Variants in PMEPA1 observed in about 807,000 individuals in gnomAD.
PMEPA1 encodes protein TMEPAI.
A neutral mutation model predicts 23.0 loss-of-function variants in PMEPA1; 11 were observed. The observed-to-expected ratio is 0.48, with a 90% CI of 0.30 to 0.79. PMEPA1 has a LOEUF of 0.79. Among genes scored for constraint, PMEPA1 ranks in the 30% least tolerant of loss-of-function variants. The probability of loss-of-function intolerance (pLI) is 0.06; values close to 1 mark genes in which losing one functional copy is unlikely to be tolerated. For missense variants in PMEPA1, 377 were observed against 390.9 expected, an observed-to-expected ratio of 0.96 and a Z score of 0.30; for synonymous variants, 204 against 166.4, an observed-to-expected ratio of 1.23 and a Z score of -1.74.
intron 2 of PMEPA1, among the ~76,000 whole-genome samples, chr20:57,657,683 G>A (rs1290755208): frequency 6.6e-6 from 1 of 152,218 alleles, no homozygotes; most frequent in Non-Finnish European, 1.5e-5. Flanking sequence ...GTGACGCACT[G>A]AGGCTGGGGC....
rs950663702 is a variant in PMEPA1 at position 57,704,537 on chromosome 20, G to A, written c.109+4937C>T. On this transcript the variant is annotated intron_variant, in intron 1 of 3. Transcript: ENST00000341744. The surrounding 1 kb of genome is among the most constrained non-coding windows in gnomAD (Gnocchi z 4.6). ...AGAACCCGAGGCTGGCAGCAGCACA[G>A]CCTCCGAAATTCACCGTGTAAGAGT... Among the ~76,000 whole-genome samples the A allele has an allele frequency of 6.6e-6, 1 of 152,228 alleles. No individual in the cohort carries two copies. The highest frequency in any genetic ancestry group is 2.1e-4 in the South Asian group (1 of 4,836).
At chr20:57,695,850 C>T (rs1325963500) in intron 1 of PMEPA1, among the ~76,000 whole-genome samples, 1 of 152,174 alleles carries the variant, frequency 6.6e-6, no homozygotes, top group Non-Finnish European at 1.5e-5. Flanking sequence ...ACCCAGATGG[C>T]CCGGCCCCAT....
At chr20:57,700,033 C>T (rs1359529744) in intron 1 of PMEPA1, 2 of 471,162 alleles carry the variant, frequency 4.2e-6, no homozygotes. Context: ...TATTCTTAAC[C>T]ACTGACACTC....
At chr20:57,665,373 G>A (rs557528794) in intron 1 of PMEPA1, among the ~76,000 whole-genome samples, 20 of 152,246 alleles carry the variant, frequency 1.3e-4, no homozygotes, top group Non-Finnish European at 2.6e-4. Flanking sequence ...GCTCGCCCAC[G>A]GCGTTAGTCC....
At chr20:57,680,557 A>G (rs2071699136) in intron 1 of PMEPA1, among the ~76,000 whole-genome samples, 1 of 152,234 alleles carries the variant, frequency 6.6e-6, no homozygotes. Context: ...GATGATAGTG[A>G]ATATCTCAGG....
intron 1 of PMEPA1, among the ~76,000 whole-genome samples, chr20:57,675,271 A>G (rs2071620839): frequency 6.6e-6 from 1 of 152,102 alleles, no homozygotes; most frequent in Admixed American, 6.6e-5. Context: ...ACTAGTCACA[A>G]GAGTGGACAA....
chr20:57,707,230 T>G (rs1374204544), intron 1 of PMEPA1, among the ~76,000 whole-genome samples: 1 of 152,194 alleles, frequency 6.6e-6, no homozygotes, highest in Non-Finnish European at 1.5e-5. Flanking sequence ...TTTTTTCCTT[T>G]CTTTTTTCCT....
intron 1 of PMEPA1, among the ~76,000 whole-genome samples, chr20:57,685,246 G>C (rs139396749): frequency 6.6e-6 from 1 of 152,284 alleles, no homozygotes; most frequent in East Asian, 1.9e-4. Context: ...CCAGCTAACT[G>C]CCCGAGCAGG....
chr20:57,663,348 A>G (rs2071448853), intron 1 of PMEPA1, among the ~76,000 whole-genome samples: 1 of 152,074 alleles, frequency 6.6e-6, no homozygotes, highest in Admixed American at 6.5e-5. Flanking sequence ...GCTCTCTCAG[A>G]GGGCCCGGGT....
upstream of PMEPA1, chr20:57,710,162 C>T: frequency 1.7e-6 from 1 of 594,902 alleles, no homozygotes; most frequent in Non-Finnish European, 2.4e-6. Flanking sequence ...TCTTAAAGGG[C>T]CAGAGCTAGG....
rs368750158 is a variant in PMEPA1 at position 57,652,566 on chromosome 20, G to A, written c.351C>T (p.Asp117=). 8 of 1,519,108 alleles carry A rather than the reference G, an allele frequency of 5.3e-6. No individual in the cohort carries two copies. Among genetic ancestry groups the A allele is most frequent in the African/African-American group, 2.8e-5 (2 of 72,584 alleles). 94.1% of individuals were successfully genotyped at this position (1,519,108 alleles called of 1,614,324 possible). A position where few individuals can be genotyped will look rare whatever the true frequency, so the allele number is the denominator to read the frequency against. Residue 117 remains aspartate, a synonymous_variant, in exon 4 of 4, where the codon GAC becomes GAT. Transcript: ENST00000341744. The surrounding 1 kb of genome is among the most constrained non-coding windows in gnomAD (Gnocchi z 6.1). The stretch of plus-strand genomic sequence containing the variant: ...GGGCGAAGGGCGGCACGGCCAGGCG[G>A]TCGGTGGGCCGAGGCGGGGCGTAGA... ...PQVYAPPRPT[D]RLAVPPFAQR... is the part of the protein sequence containing the mutation.
At position 57,690,727 on chromosome 20, in the gene PMEPA1, G is replaced by A. The variant is rs73917705; in HGVS notation, c.109+18747C>T. On this transcript the variant is annotated intron_variant, in intron 1 of 3. Transcript: ENST00000341744. ...TTCTTCTGAGTTTTGTAAGTGACAC[G>A]CCCAGCCGACCCCCACCTGCCGGAA... 2,779 of 431,666 alleles carry A rather than the reference G, an allele frequency of 6.4e-3. 60 individuals are homozygous for A. The highest frequency in any genetic ancestry group is 0.054 in the African/African-American group (2,603 of 48,270). 26.7% of individuals were successfully genotyped at this position (431,666 alleles called of 1,614,324 possible).
chr20:57,681,431 G>C (rs1158259445), intron 1 of PMEPA1, among the ~76,000 whole-genome samples: 1 of 152,188 alleles, frequency 6.6e-6, no homozygotes. Flanking sequence ...GCCATCTGCG[G>C]GTGACAGCGA....
intron 1 of PMEPA1, among the ~76,000 whole-genome samples, chr20:57,665,007 C>T (rs780597749): frequency 6.6e-6 from 1 of 152,192 alleles, no homozygotes; most frequent in Non-Finnish European, 1.5e-5. Context: ...CAGTATGACA[C>T]CTGCAGGGGT....
At chr20:57,685,955 T>C (rs2071795233) in intron 1 of PMEPA1, among the ~76,000 whole-genome samples, 1 of 151,860 alleles carries the variant, frequency 6.6e-6, no homozygotes, top group South Asian at 2.1e-4. Context: ...ATAAAATGAG[T>C]CACCCTCCCT....
At position 57,652,651 on chromosome 20, in the gene PMEPA1, C is replaced by T. The variant is rs2071266557; in HGVS notation, c.319-53G>A. 2 of 1,359,892 alleles carry T rather than the reference C, an allele frequency of 1.5e-6. No homozygotes were observed. The highest frequency in any genetic ancestry group is 1.5e-5 in the African/African-American group (1 of 67,798). 84.2% of individuals were successfully genotyped at this position (1,359,892 alleles called of 1,614,324 possible). ...AGGGCGGCTGTCTCAGGTGGGTTGT[C>T]CAGAAGCGATCCTGAGACTGGAGTT... On this transcript the variant is annotated intron_variant, in intron 3 of 3. Coordinates refer to ENST00000341744, the MANE Select transcript of PMEPA1 (RefSeq NM_020182.5). The surrounding 1 kb of genome is among the most constrained non-coding windows in gnomAD (Gnocchi z 6.1).
At position 57,704,451 on chromosome 20, in the gene PMEPA1, T is replaced by G. The variant is rs998994102; in HGVS notation, c.109+5023A>C. On this transcript the variant is annotated intron_variant, in intron 1 of 3. Coordinates refer to ENST00000341744, the MANE Select transcript of PMEPA1 (RefSeq NM_020182.5). The surrounding 1 kb of genome is among the most constrained non-coding windows in gnomAD (Gnocchi z 4.6). ...ACCATGCGTGCGTTACGCAACACTT[T>G]GTAAAAAGCAAAAAATGGGCCCTCG... Among the ~76,000 whole-genome samples the G allele has an allele frequency of 6.6e-6, 1 of 152,160 alleles. No homozygotes were observed. Among genetic ancestry groups the G allele is most frequent in the Non-Finnish European group, 1.5e-5 (1 of 68,002 alleles).
intron 1 of PMEPA1, among the ~76,000 whole-genome samples, chr20:57,674,761 C>T (rs1160355955): frequency 6.6e-6 from 1 of 152,200 alleles, no homozygotes; most frequent in Non-Finnish European, 1.5e-5. Flanking sequence ...TTTATCGTGC[C>T]CCTGCTGTAT....
Position 57,652,303 on chromosome 20 carries a change from G to A in PMEPA1, c.614C>T (p.Pro205Leu). The A allele has an allele frequency of 6.2e-7, 1 of 1,610,866 alleles. No homozygotes were observed. Among genetic ancestry groups the A allele is most frequent in the Non-Finnish European group, 8.5e-7 (1 of 1,179,774 alleles). Reference sequence around the variant, plus strand: ...GCCCGAGTTACTGCTGGGGGGGCAGGGGCCGCCCAGCCTGGCACTATCCAT... The same window carrying A: ...GCCCGAGTTACTGCTGGGGGGGCAGAGGCCGCCCAGCCTGGCACTATCCAT... ...DLMDSARLGGPCPPSSNSGIS... is the reference protein window; with the variant it reads ...DLMDSARLGGLCPPSSNSGIS... Residue 205 changes from proline (P) to leucine (L), a missense_variant, in exon 4 of 4, where the codon CCC becomes CTC. This residue lies in a region of PMEPA1 where 176 missense variants were observed against 173.0 expected (regional missense o/e 1.02). Transcript: ENST00000341744. This position sits in a 1 kb window ranked among gnomAD's most constrained non-coding sequence, Gnocchi z 6.1.
Sources: allele counts gnomAD v4.1 joint callset (sites outside exome capture counted in the v4.1 genomes callset), GRCh38; gene constraint gnomAD v4.1.1; regional missense constraint gnomAD v4.1.1; non-coding constraint Gnocchi (gnomAD v3.1); transcripts MANE v1.5; gene names NCBI Gene and HGNC (gene_info 2026-07-23, HGNC 2026-07-21).